Variants in EIPR1 observed in about 807,000 individuals in gnomAD.
The protein encoded by EIPR1 is EARP complex and GARP complex interacting protein 1.
In EIPR1, 25 loss-of-function variants were observed where a neutral mutation model predicts 48.1. The ratio of observed to expected loss-of-function variants is 0.52; its 90% confidence interval spans 0.38 to 0.73. The LOEUF (loss-of-function observed/expected upper bound fraction) is 0.73. Ranked by LOEUF, EIPR1 falls within the 30% of genes least tolerant of loss-of-function variation. EIPR1 has a pLI of 0.00. For missense variants in EIPR1, 415 were observed against 506.2 expected, an observed-to-expected ratio of 0.82 and a Z score of 1.73; for synonymous variants, 204 against 201.9, an observed-to-expected ratio of 1.01 and a Z score of -0.09.
At position 3,291,309 on chromosome 2, in the gene EIPR1, G is replaced by A. The variant is rs111462599; in HGVS notation, c.260-33854C>T. On this transcript the variant is annotated intron_variant, in intron 3 of 8. Transcript: ENST00000382125. ...GAGTACATGGTTCTGCCGTGTACCC[G>A]AATCCACGTAGCGGGCTGCACGCAC... Among the ~76,000 whole-genome samples the A allele has an allele frequency of 4.6e-5, 7 of 151,988 alleles. No homozygotes were observed. In the East Asian group the frequency reaches 1.2e-3, roughly 25 times the overall value.
At position 3,349,233 on chromosome 2, in the gene EIPR1, G is replaced by A. The variant is rs542139035; in HGVS notation, c.126+5317C>T. 1.2e-3 allele frequency among the ~76,000 whole-genome samples: 186 copies of A among 152,336 alleles called. 1 individual carries two copies. Among genetic ancestry groups the A allele is most frequent in the Non-Finnish European group, 5.9e-4 (40 of 68,022 alleles). On this transcript the variant is annotated intron_variant, in intron 2 of 8. Transcript: ENST00000382125. Reference sequence around the variant, plus strand: ...CTGCCACGCACCAGCTCCACACTGCGTGGGGCCACCTGCCTCACCAGAAAA... The same window carrying A: ...CTGCCACGCACCAGCTCCACACTGCATGGGGCCACCTGCCTCACCAGAAAA...
intron 1 of EIPR1, among the ~76,000 whole-genome samples, chr2:3,358,994 A>C (rs1670795340): frequency 6.6e-6 from 1 of 152,248 alleles, no homozygotes; most frequent in South Asian, 2.1e-4. Flanking sequence ...AGGGTTGCCT[A>C]GTGGCAGGTG....
At position 3,312,807 on chromosome 2, in the gene EIPR1, ACCG is replaced by A. The variant is rs1669169922; in HGVS notation, c.259+25207_259+25209del. On this transcript the variant is annotated intron_variant, in intron 3 of 8. Coordinates refer to ENST00000382125, the MANE Select transcript of EIPR1 (RefSeq NM_003310.5). The surrounding 1 kb of genome is among the most constrained non-coding windows in gnomAD (Gnocchi z 5.5). ...GACATGAGCACGTCATGGCCTGACCACCGCTGTGGGCCTCATTCTGGAATGGAT... is the reference window on the plus strand; with the variant it reads ...GACATGAGCACGTCATGGCCTGACCACTGTGGGCCTCATTCTGGAATGGAT... 2.0e-5 allele frequency among the ~76,000 whole-genome samples: 3 copies of A among 152,126 alleles called. No individual in the cohort carries two copies. In the South Asian group the frequency reaches 6.2e-4, roughly 32 times the overall value.
chr2:3,361,910 G>A (rs900367000), intron 1 of EIPR1, among the ~76,000 whole-genome samples: 19 of 152,080 alleles, frequency 1.2e-4, no homozygotes, highest in Admixed American at 5.2e-4. Flanking sequence ...CTTCCCAATC[G>A]CCTCCTGCTC....
At chr2:3,335,914 C>T (rs1055196581) in intron 3 of EIPR1, among the ~76,000 whole-genome samples, 26 of 152,144 alleles carry the variant, frequency 1.7e-4, no homozygotes, top group African/African-American at 5.3e-4. Context: ...TTACCCAGTC[C>T]CAGGTAGTTC....
intron 1 of EIPR1, among the ~76,000 whole-genome samples, chr2:3,371,803 G>T (rs1671122270): frequency 6.6e-6 from 1 of 152,156 alleles, no homozygotes; most frequent in Non-Finnish European, 1.5e-5. Context: ...ACACCCCACT[G>T]TCAACATTAG....
At chr2:3,278,547 C>T (rs2103256165) in intron 3 of EIPR1, among the ~76,000 whole-genome samples, 1 of 152,252 alleles carries the variant, frequency 6.6e-6, no homozygotes, top group East Asian at 1.9e-4. Flanking sequence ...TGGGAGGCAG[C>T]CAGGCCCAGC....
rs369948823 is a variant in EIPR1, at chr2:3,196,962, C to T, written c.572G>A (p.Arg191Gln). Residue 191 changes from arginine (R) to glutamine (Q), a missense_variant, in exon 6 of 9, where the codon CGG becomes CAG. Arg to Gln is a conservative substitution (Grantham distance 43). Transcript: ENST00000382125. ...GKGQLKFTSG[R>Q]WSPHHNCTQV... The stretch of plus-strand genomic sequence containing the variant: ...GGTGCAGTTATGATGTGGGCTCCAC[C>T]GTCCTGAGGTGAACTTCAGTTGTCC... 9.3e-6 allele frequency: 15 copies of T among 1,613,852 alleles called. No homozygotes were observed. The highest frequency in any genetic ancestry group is 5.0e-5 in the Admixed American group (3 of 60,014).
intron 6 of EIPR1, among the ~76,000 whole-genome samples, chr2:3,196,059 G>A (rs537397614): frequency 1.3e-5 from 2 of 152,294 alleles, no homozygotes; most frequent in South Asian, 2.1e-4. Flanking sequence ...CGTTCATCAC[G>A]GGCTGAGTCT....
intron 3 of EIPR1, among the ~76,000 whole-genome samples, chr2:3,324,121 C>T (rs979987495): frequency 2.6e-5 from 4 of 152,232 alleles, no homozygotes; most frequent in African/African-American, 7.2e-5. Context: ...TCAAGGCAGA[C>T]GGAATTCCTC....
intron 1 of EIPR1, among the ~76,000 whole-genome samples, chr2:3,366,147 A>C (rs567840120): frequency 7.9e-5 from 12 of 152,316 alleles, no homozygotes; most frequent in African/African-American, 2.2e-4. Flanking sequence ...GTCTCTACGA[A>C]AAATACAAAA....
chr2:3,233,779 A>G (rs1039184658), intron 4 of EIPR1, among the ~76,000 whole-genome samples: 3 of 152,348 alleles, frequency 2.0e-5, no homozygotes, highest in African/African-American at 4.8e-5. Flanking sequence ...CCATCTGGGT[A>G]AAATGTCCAG....
At chr2:3,256,442 C>G (rs575704877) in intron 4 of EIPR1, among the ~76,000 whole-genome samples, 2 of 152,206 alleles carry the variant, frequency 1.3e-5, no homozygotes, top group Non-Finnish European at 2.9e-5. Context: ...GGCCCTCTAA[C>G]TTGTCACCTT....
chr2:3,372,296 G>T (rs1033371701), intron 1 of EIPR1, among the ~76,000 whole-genome samples: 16 of 150,946 alleles, frequency 1.1e-4, no homozygotes, highest in Admixed American at 3.3e-4. Flanking sequence ...ATCCAAAATT[G>T]ACACCTAACA....
intron 4 of EIPR1, among the ~76,000 whole-genome samples, chr2:3,229,797 G>A (rs991936232): frequency 6.6e-6 from 1 of 152,096 alleles, no homozygotes. Flanking sequence ...GATCTTCAAC[G>A]GTTTATCCTT....
chr2:3,214,121 C>T (rs773003271), intron 5 of EIPR1, 28 bp downstream of exon 5: 7 of 1,597,778 alleles, frequency 4.4e-6, no homozygotes, highest in Middle Eastern at 3.3e-4. Context: ...AATACAGAAA[C>T]AAACGCTGTG....
intron 5 of EIPR1, among the ~76,000 whole-genome samples, chr2:3,204,278 A>G (rs1335129500): frequency 6.6e-6 from 1 of 152,218 alleles, no homozygotes; most frequent in African/African-American, 2.4e-5. Flanking sequence ...ACTCCACTCC[A>G]TTGGTCATGC....
At chr2:3,337,948 C>T in intron 3 of EIPR1, 69 bp downstream of exon 3, 1 of 1,522,706 alleles carries the variant, frequency 6.6e-7, no homozygotes, top group Non-Finnish European at 8.8e-7. Context: ...ATTAGCAATA[C>T]AAAACCCGTC....
Sources: allele counts gnomAD v4.1 joint callset (sites outside exome capture counted in the v4.1 genomes callset), GRCh38; gene constraint gnomAD v4.1.1; non-coding constraint Gnocchi (gnomAD v3.1); transcripts MANE v1.5; gene names NCBI Gene and HGNC (gene_info 2026-07-23, HGNC 2026-07-21).